ADCY5: variants seen among roughly 807,000 people sequenced by gnomAD.
ADCY5 encodes the protein adenylate cyclase type 5.
A neutral mutation model predicts 119.7 loss-of-function variants in ADCY5; 30 were observed. The observed-to-expected ratio is 0.25, with a 90% CI of 0.19 to 0.34. The LOEUF (loss-of-function observed/expected upper bound fraction) is 0.34. Among genes scored for constraint, ADCY5 ranks in the 10% least tolerant of loss-of-function variants. The pLI, the probability that ADCY5 is intolerant of heterozygous loss-of-function variation, is 1.00. For synonymous variants in ADCY5, 753 were observed against 762.2 expected (o/e 0.99, Z 0.20); for missense variants, 1,324 against 1,775.2 (o/e 0.75, Z 4.57).
chr3:123,410,477 A>C (rs1468975870), intron 1 of ADCY5, among the ~76,000 whole-genome samples: 1 of 152,196 alleles, frequency 6.6e-6, no homozygotes, highest in Non-Finnish European at 1.5e-5. Context: ...TATTATTCCA[A>C]CACCCTTGGC....
At chr3:123,396,060 G>GGGAGAGAGAGAGGGAGGGAGAGA in intron 1 of ADCY5, among the ~76,000 whole-genome samples, 1 of 80,274 alleles carries the variant, frequency 1.2e-5, no homozygotes, top group Non-Finnish European at 2.8e-5. Flanking sequence ...GAGGGAGGGA[G>GGGAGAGAGAGAGGGAGGGAGAGA]GGTGGGAGGG....
At chr3:123,380,302 C>T (rs1305781124) in intron 1 of ADCY5, among the ~76,000 whole-genome samples, 1 of 152,228 alleles carries the variant, frequency 6.6e-6, no homozygotes, top group Non-Finnish European at 1.5e-5. Flanking sequence ...ACCAGGCCCT[C>T]TGCCCTCAAG....
At chr3:123,433,998 C>T (rs1190208353) in intron 1 of ADCY5, among the ~76,000 whole-genome samples, 4 of 152,184 alleles carry the variant, frequency 2.6e-5, no homozygotes, top group Non-Finnish European at 5.9e-5. Context: ...CATTTAATGC[C>T]CGTCTGAGCC....
In ADCY5 at chr3:123,352,595, G is replaced by T; in HGVS notation, c.1135-14C>A. On this transcript the variant is annotated splice_polypyrimidine_tract_variant and intron_variant, in intron 1 of 20. Coordinates refer to ENST00000462833, the MANE Select transcript of ADCY5 (RefSeq NM_183357.3). This position sits in a 1 kb window ranked among gnomAD's most constrained non-coding sequence, Gnocchi z 4.8. ...ATTGGAGACAAGCTGCAGAGGGAGA[G>T]AGGAGCACACCTAGCTCAGATCCTG... The T allele has an allele frequency of 6.2e-7, 1 of 1,605,122 alleles. No homozygotes were observed.
At chr3:123,445,899 G>A (rs1290826320) in intron 1 of ADCY5, among the ~76,000 whole-genome samples, 1 of 152,172 alleles carries the variant, frequency 6.6e-6, no homozygotes, top group Non-Finnish European at 1.5e-5. Context: ...AGCAAAACAA[G>A]TGGACACTGG....
Position 123,325,403 on chromosome 3 carries a change from G to C in ADCY5, c.2007C>G (p.His669Gln). Reference sequence around the variant, plus strand: ...GCTCAGCCCCCCAGTGTGGTGGGTTGTGCCCGATGGAGTTGGTTCTCTGGC... The same window carrying C: ...GCTCAGCCCCCCAGTGTGGTGGGTTCTGCCCGATGGAGTTGGTTCTCTGGC... ...MNRQRTNSIG[H>Q]NPPHWGAERP... The change falls in exon 8 of 21, where the codon CAC becomes CAG. Residue 669 changes from histidine to glutamine, a missense_variant. By Grantham distance (24) the His-to-Gln change is conservative. This residue lies in a region of ADCY5 where 424 missense variants were observed against 546.8 expected (regional missense o/e 0.78). Transcript: ENST00000462833. 1 of 1,614,186 alleles carries C rather than the reference G, an allele frequency of 6.2e-7. No homozygotes were observed. Among genetic ancestry groups the C allele is most frequent in the Admixed American group, 1.7e-5 (1 of 60,036 alleles).
intron 1 of ADCY5, among the ~76,000 whole-genome samples, chr3:123,396,518 AG>A: frequency 2.4e-5 from 2 of 84,964 alleles, no homozygotes; most frequent in South Asian, 7.8e-4. Flanking sequence ...AAAGAAAGAA[AG>A]AGAGAGAGAA....
At chr3:123,386,152 G>A (rs772238555) in intron 1 of ADCY5, among the ~76,000 whole-genome samples, 2 of 152,236 alleles carry the variant, frequency 1.3e-5, no homozygotes, top group African/African-American at 2.4e-5. Context: ...GAATGAGCCC[G>A]AAGCAGCTCA....
intron 16 of ADCY5, chr3:123,296,843 T>C: frequency 1.6e-6 from 1 of 638,010 alleles, no homozygotes; most frequent in South Asian, 2.3e-5. Context: ...AAAGCAGCCA[T>C]TCCAAATCCT....
chr3:123,289,400 C>T (rs1483479506), intron 19 of ADCY5, among the ~76,000 whole-genome samples: 3 of 152,278 alleles, frequency 2.0e-5, no homozygotes, highest in East Asian at 1.9e-4. Context: ...CCCATGCCCT[C>T]GGCACAGAGC....
chr3:123,288,532 C>T (rs186471536), intron 19 of ADCY5, among the ~76,000 whole-genome samples: 2 of 152,326 alleles, frequency 1.3e-5, no homozygotes, highest in African/African-American at 4.8e-5. Context: ...ACCGTACACC[C>T]TCGGTAAGAC....
Position 123,284,583 on chromosome 3 carries a change from G to T in ADCY5, c.*25C>A. The stretch of plus-strand genomic sequence containing the variant: ...CTTCCATGCCTCTGGAGGCCAGGCT[G>T]CCTGGCACCATTGGCCAACAGCTGC... On this transcript the variant is annotated 3_prime_UTR_variant, in exon 21 of 21. Transcript: ENST00000462833. 6.2e-7 allele frequency: 1 copy of T among 1,613,844 alleles called. No homozygotes were observed. Among genetic ancestry groups the T allele is most frequent in the South Asian group, 1.1e-5 (1 of 91,082 alleles).
rs199867037 is a variant in ADCY5, at chr3:123,303,130, C to T, written c.2649G>A (p.Glu883=). The T allele has an allele frequency of 2.3e-4, 376 of 1,613,892 alleles. 6 individuals are homozygous for T. The East Asian group carries it at 8.2e-3, about 35-fold the overall frequency. ...CGCCCAGGCTGTAGTTGACGGCCGA[C>T]TCCGCCACGTGACACGCGTTGACCT... ...ASQVNACHVA[E]SAVNYSLGDE... The change falls in exon 14 of 21, where the codon GAG becomes GAA. Residue 883 remains glutamate (E), a synonymous_variant. Transcript: ENST00000462833.
intron 1 of ADCY5, among the ~76,000 whole-genome samples, chr3:123,369,036 G>A (rs1194921446): frequency 1.3e-5 from 2 of 152,274 alleles, no homozygotes; most frequent in Admixed American, 6.5e-5. Context: ...AATGTACCCC[G>A]AAATTTAATG....
At chr3:123,335,021 T>TA (rs1429000883) in intron 3 of ADCY5, among the ~76,000 whole-genome samples, 5 of 152,006 alleles carry the variant, frequency 3.3e-5, no homozygotes, top group Non-Finnish European at 5.9e-5. Flanking sequence ...CCAGAGACAG[T>TA]AAACAACTTG....
intron 1 of ADCY5, among the ~76,000 whole-genome samples, chr3:123,369,017 A>C (rs969375500): frequency 6.6e-6 from 1 of 152,154 alleles, no homozygotes; most frequent in Non-Finnish European, 1.5e-5. Context: ...GGTCTCTGCT[A>C]TGGTTTTGAA....
chr3:123,414,648 C>T (rs563968229), intron 1 of ADCY5, among the ~76,000 whole-genome samples: 2 of 152,264 alleles, frequency 1.3e-5, no homozygotes, highest in Admixed American at 6.5e-5. Context: ...CCTCTGCCTG[C>T]TGGGTTCAAG....
In ADCY5 at chr3:123,286,185, G is replaced by A. The variant is rs1351262965; in HGVS notation, c.3657+500C>T. Among the ~76,000 whole-genome samples the A allele has an allele frequency of 2.6e-5, 4 of 152,188 alleles. No homozygotes were observed. Among genetic ancestry groups the A allele is most frequent in the Admixed American group, 2.6e-4 (4 of 15,284 alleles). On this transcript the variant is annotated intron_variant, in intron 20 of 20. Coordinates refer to ENST00000462833, the MANE Select transcript of ADCY5 (RefSeq NM_183357.3). The surrounding 1 kb of genome is among the most constrained non-coding windows in gnomAD (Gnocchi z 4.2). ...AACCACAAGCCCAGCTCGCAAAGGA[G>A]GGAGCAAGGGGAAAAGGCCTCTGAG... is the stretch of plus-strand genomic sequence containing the variant.
At chr3:123,344,413 ATTACC>A (rs1942432343) in intron 3 of ADCY5, among the ~76,000 whole-genome samples, 1 of 152,164 alleles carries the variant, frequency 6.6e-6, no homozygotes, top group Admixed American at 6.5e-5. Context: ...GCAGCTCACA[ATTACC>A]GAACACTTGT....
Sources: gnomAD v4.1 joint callset for allele counts (sites outside exome capture counted in the v4.1 genomes callset) on GRCh38, gnomAD v4.1.1 for gene constraint, gnomAD v4.1.1 regional missense constraint, Gnocchi (gnomAD v3.1) non-coding constraint, MANE v1.5 for transcripts, NCBI Gene and HGNC (gene_info 2026-07-23, HGNC 2026-07-21) for gene names.